PRKDC: variants seen among roughly 807,000 people sequenced by gnomAD.
PRKDC encodes protein kinase, DNA-activated, catalytic subunit.
Under a neutral mutation model 486.9 loss-of-function variants are expected in PRKDC, and 82 were observed. The observed-to-expected ratio is 0.17, with a 90% CI of 0.14 to 0.20. The LOEUF (loss-of-function observed/expected upper bound fraction) is 0.20. PRKDC is among the 10% of genes least tolerant of loss of function. The probability of loss-of-function intolerance (pLI) is 1.00; values close to 1 mark genes in which losing one functional copy is unlikely to be tolerated. For synonymous variants in PRKDC, 1,895 were observed against 1,837.0 expected, an observed-to-expected ratio of 1.03 and a Z score of -0.81; for missense variants, 4,504 against 5,038.2, an observed-to-expected ratio of 0.89 and a Z score of 3.21.
chr8:47,788,547 T>C (rs1589696030), intron 76 of PRKDC, among the ~76,000 whole-genome samples: 1 of 152,226 alleles, frequency 6.6e-6, no homozygotes, highest in African/African-American at 2.4e-5. Context: ...AACTAAGTGC[T>C]TGAAAATACT....
At chr8:47,815,756 T>TAA (rs2087429640) in intron 68 of PRKDC, among the ~76,000 whole-genome samples, 1 of 152,164 alleles carries the variant, frequency 6.6e-6, no homozygotes, top group Non-Finnish European at 1.5e-5. Flanking sequence ...TCAACACTGG[T>TAA]TTGGGCCAGG....
intron 17 of PRKDC, among the ~76,000 whole-genome samples, chr8:47,930,386 C>T (rs548244098): frequency 6.6e-6 from 1 of 152,190 alleles, no homozygotes; most frequent in African/African-American, 2.4e-5. Flanking sequence ...CATTCTCCTG[C>T]CTCAGCCTCC....
intron 63 of PRKDC, among the ~76,000 whole-genome samples, chr8:47,825,755 G>C (rs1013359448): frequency 1.3e-5 from 2 of 152,150 alleles, no homozygotes; most frequent in African/African-American, 4.8e-5. Flanking sequence ...AGCAACAGGA[G>C]AAAACGGTTC....
In PRKDC at chr8:47,930,784, C is replaced by T; in HGVS notation, c.1780G>A (p.Gly594Arg). 1 of 1,569,652 alleles carries T rather than the reference C, an allele frequency of 6.4e-7. No individual in the cohort carries two copies. The highest frequency in any genetic ancestry group is 8.6e-7 in the Non-Finnish European group (1 of 1,158,916). Residue 594 changes from glycine to arginine, a missense_variant, in exon 17 of 86, where the codon GGA becomes AGA. Physicochemically the swap from Gly to Arg is moderately radical, Grantham distance 125 (BLOSUM62 -2). This residue lies in a region of PRKDC where 1,969 missense variants were observed against 2,068.9 expected (regional missense o/e 0.95). Coordinates refer to ENST00000314191, the MANE Select transcript of PRKDC (RefSeq NM_006904.7). ...EIQTVGEQEN[G>R]DEAPGVWMIP... ...ATCCAAACACCAGGCGCCTCATCTC[C>T]ATTCTTAAAGAGTAATTGTAGCAAA...
In PRKDC at chr8:47,900,463, C is replaced by T. The variant is rs2089658803; in HGVS notation, c.3274G>A (p.Glu1092Lys). The change falls in exon 28 of 86, where the codon GAA becomes AAA. Residue 1092 changes from glutamate to lysine, a missense_variant. Transcript: ENST00000314191. ...FNNIYREFRE[E>K]ESLVEQFVFE... ...ACAAACTGTTCCACCAGAGACTCTT[C>T]TTCCCTGTAAAATAAAGAATAGGAA... The T allele has an allele frequency of 1.2e-6, 2 of 1,604,538 alleles. No homozygotes were observed. Among genetic ancestry groups the T allele is most frequent in the Non-Finnish European group, 1.7e-6 (2 of 1,175,358 alleles).
In PRKDC at chr8:47,863,690, T is replaced by C; in HGVS notation, c.5572-113A>G. 3.5e-6 allele frequency: 3 copies of C among 865,422 alleles called. No individual in the cohort carries two copies. In the East Asian group the frequency reaches 8.5e-5, roughly 24 times the overall value. 53.6% of individuals were successfully genotyped at this position (865,422 alleles called of 1,614,324 possible). A position where few individuals can be genotyped will look rare whatever the true frequency, so the allele number is the denominator to read the frequency against. Reference sequence around the variant, plus strand: ...CTTTAGACAGACAGAATTTTAACAGTCAAAAATGCTAAATCACTTCAATAA... The same window carrying C: ...CTTTAGACAGACAGAATTTTAACAGCCAAAAATGCTAAATCACTTCAATAA... On this transcript the variant is annotated intron_variant, in intron 41 of 85. Coordinates refer to ENST00000314191, the MANE Select transcript of PRKDC (RefSeq NM_006904.7).
chr8:47,881,764 A>C, intron 37 of PRKDC, 148 bp downstream of exon 37: 1 of 738,432 alleles, frequency 1.4e-6, no homozygotes, highest in Non-Finnish European at 2.1e-6. Flanking sequence ...AAAAGTTTAA[A>C]AAGGTAAATA....
intron 68 of PRKDC, among the ~76,000 whole-genome samples, chr8:47,815,715 G>A (rs1482542173): frequency 6.6e-6 from 1 of 152,242 alleles, no homozygotes; most frequent in Non-Finnish European, 1.5e-5. Context: ...GAATGGTAGA[G>A]TTGGAAATTA....
intron 54 of PRKDC, among the ~76,000 whole-genome samples, chr8:47,845,629 C>A (rs1044737458): frequency 4.0e-5 from 6 of 150,898 alleles, no homozygotes; most frequent in Non-Finnish European, 8.9e-5. Flanking sequence ...AAACAAAAAC[C>A]TGAACAGACC....
chr8:47,917,182 G>A (rs2089999546), intron 22 of PRKDC, among the ~76,000 whole-genome samples: 1 of 152,138 alleles, frequency 6.6e-6, no homozygotes, highest in African/African-American at 2.4e-5. Flanking sequence ...TTGAGCCTGG[G>A]AGGTTGAAGC....
At chr8:47,792,737 C>T (rs935277989) in intron 74 of PRKDC, among the ~76,000 whole-genome samples, 2 of 152,014 alleles carry the variant, frequency 1.3e-5, no homozygotes, top group Non-Finnish European at 2.9e-5. Context: ...ACATAGACAC[C>T]TACTATGTAC....
intron 28 of PRKDC, 140 bp from the exon 29 acceptor site, chr8:47,898,709 G>T: frequency 2.0e-6 from 1 of 506,314 alleles, no homozygotes; most frequent in Non-Finnish European, 3.2e-6. Context: ...TCATCCCTAA[G>T]AATAATAAAA....
chr8:47,941,642 C>T (rs550936563), intron 10 of PRKDC, among the ~76,000 whole-genome samples: 7 of 152,290 alleles, frequency 4.6e-5, no homozygotes, highest in South Asian at 2.1e-4. Flanking sequence ...CCGCTTCCTT[C>T]GGTTGATTTT....
intron 59 of PRKDC, 62 bp from the exon 60 acceptor site, chr8:47,831,988 A>G: frequency 2.1e-6 from 3 of 1,454,684 alleles, no homozygotes; most frequent in Non-Finnish European, 1.9e-6. Context: ...CTGCTGGTTC[A>G]TTTTCACCTC....
At chr8:47,828,495 G>C in intron 61 of PRKDC, 148 bp from the exon 62 acceptor site, 1 of 627,926 alleles carries the variant, frequency 1.6e-6, no homozygotes, top group Non-Finnish European at 2.6e-6. Flanking sequence ...AGCAGGCATT[G>C]ACAAGGGGAG....
At chr8:47,827,823 CT>C (rs563657407) in intron 62 of PRKDC, among the ~76,000 whole-genome samples, 142 of 152,260 alleles carry the variant, frequency 9.3e-4, no homozygotes, top group African/African-American at 2.8e-3. Flanking sequence ...CAGTCAACAT[CT>C]TTTGACAGTA....
chr8:47,904,394 A>C (rs2089735473), intron 26 of PRKDC, among the ~76,000 whole-genome samples: 1 of 152,322 alleles, frequency 6.6e-6, no homozygotes, highest in African/African-American at 2.4e-5. Context: ...AGCTGGCACT[A>C]CAGGTGTGTA....
At chr8:47,802,953 T>G (rs549224199) in intron 70 of PRKDC, among the ~76,000 whole-genome samples, 3 of 152,168 alleles carry the variant, frequency 2.0e-5, no homozygotes, top group African/African-American at 7.2e-5. Context: ...ATGCCCAGCC[T>G]AGTTTTTGTA....
At chr8:47,865,788 T>G (rs1204409528) in intron 40 of PRKDC, among the ~76,000 whole-genome samples, 1 of 152,146 alleles carries the variant, frequency 6.6e-6, no homozygotes, top group Non-Finnish European at 1.5e-5. Flanking sequence ...CAAATTCCTA[T>G]GTTGAAACCC....
Sources: gnomAD v4.1 joint callset for allele counts (sites outside exome capture counted in the v4.1 genomes callset) on GRCh38, gnomAD v4.1.1 for gene constraint, gnomAD v4.1.1 regional missense constraint, MANE v1.5 for transcripts, NCBI Gene and HGNC (gene_info 2026-07-23, HGNC 2026-07-21) for gene names.